Variants in MAN2A1 observed in about 807,000 individuals in gnomAD.
MAN2A1 encodes mannosidase alpha class 2A member 1.
A neutral mutation model predicts 142.6 loss-of-function variants in MAN2A1; 76 were observed. That is an observed-to-expected ratio of 0.53 (90% CI 0.44 to 0.65). The LOEUF is 0.65. Among genes scored for constraint, MAN2A1 ranks in the 30% least tolerant of loss-of-function variants. The probability of loss-of-function intolerance (pLI) is 0.00; values close to 1 mark genes in which losing one functional copy is unlikely to be tolerated. For synonymous variants in MAN2A1, 559 were observed against 473.2 expected (o/e 1.18, Z -2.35); for missense variants, 1,311 against 1,365.1 (o/e 0.96, Z 0.62).
At position 109,690,349 on chromosome 5, in the gene MAN2A1, C is replaced by G; in HGVS notation, c.-69C>G. On this transcript the variant is annotated 5_prime_UTR_variant, in exon 1 of 22. Transcript: ENST00000261483. ...AGAAGGGAGCCTCCGGCGGCTGCTT[C>G]CTAGAGTCCACAGTGCGCTGTCTCC... The G allele has an allele frequency of 6.3e-7, 1 of 1,576,538 alleles. No individual in the cohort carries two copies. Among genetic ancestry groups the G allele is most frequent in the Non-Finnish European group, 8.7e-7 (1 of 1,146,598 alleles).
chr5:109,789,172 A>G lies in MAN2A1; in HGVS notation c.1875+124A>G, dbSNP rs181871294. 4.8e-4 allele frequency: 271 copies of G among 563,140 alleles called. No individual in the cohort carries two copies. The African/African-American group carries it at 4.9e-3, about 10-fold the overall frequency. 34.9% of individuals were successfully genotyped at this position (563,140 alleles called of 1,614,324 possible). A position where few individuals can be genotyped will look rare whatever the true frequency, so the allele number is the denominator to read the frequency against. ...TATAATTTTTTGTACATTATTTGAA[A>G]GAATTTTTATCACTTAATATAAATT... is the stretch of plus-strand genomic sequence containing the variant. On this transcript the variant is annotated intron_variant, in intron 11 of 21. Transcript: ENST00000261483.
chr5:109,770,699 G>C (rs1753123316), intron 7 of MAN2A1, among the ~76,000 whole-genome samples, 158 bp downstream of exon 7: 1 of 152,024 alleles, frequency 6.6e-6, no homozygotes, highest in South Asian at 2.1e-4. Flanking sequence ...AAATGCCAGA[G>C]CCTTGACTAT....
At chr5:109,809,670 C>G (rs972999653) in intron 12 of MAN2A1, among the ~76,000 whole-genome samples, 1 of 152,084 alleles carries the variant, frequency 6.6e-6, no homozygotes, top group African/African-American at 2.4e-5. Flanking sequence ...GGCTGCTTCT[C>G]AGATTTTGCC....
chr5:109,727,524 A>T (rs1342157008), intron 3 of MAN2A1, among the ~76,000 whole-genome samples: 4 of 152,218 alleles, frequency 2.6e-5, no homozygotes, highest in African/African-American at 7.2e-5. Context: ...TGTCCATAAC[A>T]AGGGCATAGA....
At chr5:109,723,449 C>G (rs750265633) in intron 3 of MAN2A1, among the ~76,000 whole-genome samples, 2 of 152,128 alleles carry the variant, frequency 1.3e-5, no homozygotes, top group Non-Finnish European at 2.9e-5. Context: ...GAAACTTAGT[C>G]GATTACTAAG....
chr5:109,848,155 A>G (rs575813901), intron 19 of MAN2A1, among the ~76,000 whole-genome samples: 2 of 152,214 alleles, frequency 1.3e-5, no homozygotes, highest in South Asian at 2.1e-4. Context: ...GGTAAACTTT[A>G]TTTGAAATCT....
chr5:109,773,357 T>A (rs1753198903), intron 7 of MAN2A1, among the ~76,000 whole-genome samples: 1 of 152,136 alleles, frequency 6.6e-6, no homozygotes, highest in South Asian at 2.1e-4. Context: ...CAAGATACTC[T>A]ATATCTAATA....
chr5:109,781,462 A>G lies in MAN2A1; in HGVS notation c.1441A>G (p.Lys481Glu), dbSNP rs1582891059. 6.2e-7 allele frequency: 1 copy of G among 1,613,550 alleles called. No individual in the cohort carries two copies. Among genetic ancestry groups the G allele is most frequent in the East Asian group, 2.2e-5 (1 of 44,792 alleles). The change falls in exon 9 of 22, where the codon AAG becomes GAG. Residue 481 changes from lysine (K) to glutamate (E), a missense_variant. Coordinates refer to ENST00000261483, the MANE Select transcript of MAN2A1 (RefSeq NM_002372.4). ...LDKADETQRD[K>E]GQSMFPVLSG... ...TAAAGCAGATGAAACTCAGAGAGAC[A>G]AGGGCCAATCGATGTTCCCTGTTTT...
At chr5:109,807,916 C>T (rs149388318) in intron 12 of MAN2A1, among the ~76,000 whole-genome samples, 1 of 152,152 alleles carries the variant, frequency 6.6e-6, no homozygotes, top group African/African-American at 2.4e-5. Context: ...CTGCTTTGAG[C>T]CTTCACCCCT....
At position 109,690,297 on chromosome 5, in the gene MAN2A1, G is replaced by C; in HGVS notation, c.-121G>C. ...AAGGCGGGGACTCGCACCCGCATCC[G>C]AGAGCGCGGAGGTCGCGCAGCCCGG... On this transcript the variant is annotated 5_prime_UTR_variant, in exon 1 of 22. Coordinates refer to ENST00000261483, the MANE Select transcript of MAN2A1 (RefSeq NM_002372.4). 1.9e-6 allele frequency: 2 copies of C among 1,040,508 alleles called. No individual in the cohort carries two copies. Among genetic ancestry groups the C allele is most frequent in the Admixed American group, 1.9e-5 (1 of 53,784 alleles). The allele number at this position is 1,040,508 out of a possible 1,614,324, so 64.5% of individuals were successfully genotyped here.
In MAN2A1 at chr5:109,847,810, A is replaced by G. The variant is rs766985069; in HGVS notation, c.2976+20A>G. ...AATACGGTATGAAAAAATAACTAGC[A>G]TGATCTGATATTGATTGTTCTTTGT... On this transcript the variant is annotated intron_variant, in intron 19 of 21. Coordinates refer to ENST00000261483, the MANE Select transcript of MAN2A1 (RefSeq NM_002372.4). 13 of 1,476,184 alleles carry G rather than the reference A, an allele frequency of 8.8e-6. No homozygotes were observed. The highest frequency in any genetic ancestry group is 7.0e-5 in the Admixed American group (3 of 43,128). 91.4% of individuals were successfully genotyped at this position (1,476,184 alleles called of 1,614,324 possible).
chr5:109,764,132 C>G (rs1752929055), intron 5 of MAN2A1, among the ~76,000 whole-genome samples: 1 of 152,064 alleles, frequency 6.6e-6, no homozygotes, highest in Non-Finnish European at 1.5e-5. Flanking sequence ...TTAAAGTTGT[C>G]TTTTGACTAC....
At chr5:109,833,025 C>A (rs1356862554) in intron 16 of MAN2A1, among the ~76,000 whole-genome samples, 6 of 151,548 alleles carry the variant, frequency 4.0e-5, no homozygotes, top group Non-Finnish European at 5.9e-5. Flanking sequence ...CTCCTCACAT[C>A]CCAGATGGGG....
At chr5:109,860,767 G>T (rs1580324419) in intron 20 of MAN2A1, among the ~76,000 whole-genome samples, 1 of 152,118 alleles carries the variant, frequency 6.6e-6, no homozygotes, top group Non-Finnish European at 1.5e-5. Flanking sequence ...ATTTGAAGTG[G>T]GGTGAATGGA....
chr5:109,763,906 A>G (rs1454237144), intron 5 of MAN2A1, among the ~76,000 whole-genome samples: 2 of 151,264 alleles, frequency 1.3e-5, no homozygotes. Context: ...GGTTCAAGTG[A>G]CCCTCCTGCC....
chr5:109,698,510 T>A (rs1363506820), intron 1 of MAN2A1, among the ~76,000 whole-genome samples: 1 of 146,892 alleles, frequency 6.8e-6, no homozygotes, highest in Non-Finnish European at 1.5e-5. Context: ...TCGAGTAGTA[T>A]TAAGGTTAGT....
chr5:109,810,191 A>G (rs1247613195), intron 12 of MAN2A1, among the ~76,000 whole-genome samples: 1 of 152,006 alleles, frequency 6.6e-6, no homozygotes, highest in Non-Finnish European at 1.5e-5. Flanking sequence ...TGGGTCATGT[A>G]TAGTTCTAGT....
intron 1 of MAN2A1, among the ~76,000 whole-genome samples, chr5:109,710,935 C>T (rs1216000921): frequency 6.6e-6 from 1 of 152,266 alleles, no homozygotes; most frequent in African/African-American, 2.4e-5. Context: ...GGTGATCCGC[C>T]CGCTTCGGAC....
At chr5:109,699,717 G>A (rs79597348) in intron 1 of MAN2A1, 2,920 of 157,808 alleles carry the variant, frequency 0.019, 35 homozygotes, top group Middle Eastern at 0.071. Context: ...GCTTCAGGAG[G>A]GGCTCACATA....
Sources: allele counts gnomAD v4.1 joint callset (sites outside exome capture counted in the v4.1 genomes callset), GRCh38; gene constraint gnomAD v4.1.1; transcripts MANE v1.5; gene names NCBI Gene and HGNC (gene_info 2026-07-23, HGNC 2026-07-21).